The following CHCHD3 variants were observed in gnomAD, a reference collection of about 807,000 sequenced individuals.
CHCHD3 encodes the protein MICOS complex subunit MIC19.
Under a neutral mutation model 38.2 loss-of-function variants are expected in CHCHD3, and 20 were observed. That is an observed-to-expected ratio of 0.52 (90% CI 0.37 to 0.76). CHCHD3 has a LOEUF of 0.76. Among genes scored for constraint, CHCHD3 ranks in the 30% least tolerant of loss-of-function variants. The probability of loss-of-function intolerance (pLI) is 0.00; values close to 1 mark genes in which losing one functional copy is unlikely to be tolerated. For synonymous variants in CHCHD3, 82 were observed against 100.0 expected (o/e 0.82, Z 1.07); for missense variants, 245 against 279.2 (o/e 0.88, Z 0.87).
chr7:132,911,703 T>C (rs1309422317), intron 4 of CHCHD3, among the ~76,000 whole-genome samples: 1 of 152,242 alleles, frequency 6.6e-6, no homozygotes, highest in Non-Finnish European at 1.5e-5. Context: ...TTTAGTGTCT[T>C]TTGTGATGGC....
intron 4 of CHCHD3, among the ~76,000 whole-genome samples, chr7:132,974,354 T>TA (rs751653512): frequency 5.3e-5 from 8 of 152,176 alleles, no homozygotes; most frequent in East Asian, 3.9e-4. Flanking sequence ...TTTAAAAGAT[T>TA]AAAAAATATT....
At chr7:132,920,301 G>A (rs370445391) in intron 4 of CHCHD3, among the ~76,000 whole-genome samples, 2 of 152,180 alleles carry the variant, frequency 1.3e-5, no homozygotes, top group African/African-American at 4.8e-5. Context: ...GGCAGGCAAA[G>A]CCTAAAATAT....
At chr7:132,915,889 T>C (rs1250731316) in intron 4 of CHCHD3, among the ~76,000 whole-genome samples, 1 of 152,056 alleles carries the variant, frequency 6.6e-6, no homozygotes, top group African/African-American at 2.4e-5. Context: ...GGACATGACA[T>C]AGTTGGTGTG....
intron 1 of CHCHD3, among the ~76,000 whole-genome samples, chr7:133,081,173 C>T (rs1312377461): frequency 6.6e-6 from 1 of 152,096 alleles, no homozygotes; most frequent in Non-Finnish European, 1.5e-5. Context: ...AACTGCAAAC[C>T]CATCTCAGCC....
intron 4 of CHCHD3, among the ~76,000 whole-genome samples, chr7:132,901,491 A>AGG (rs1409802438): frequency 6.6e-6 from 1 of 152,216 alleles, no homozygotes; most frequent in Non-Finnish European, 1.5e-5. Context: ...GGAGGGAGGC[A>AGG]GGGGGTCCTC....
At chr7:133,062,491 A>G (rs1284259738) in intron 2 of CHCHD3, among the ~76,000 whole-genome samples, 3 of 152,184 alleles carry the variant, frequency 2.0e-5, no homozygotes, top group Admixed American at 2.0e-4. Context: ...TTCTTAATAT[A>G]GTTTTGGTGA....
rs56259114 is a variant in CHCHD3 at position 132,879,716 on chromosome 7, T to TAAAAAAAAAAAA, written c.453+5934_453+5945dup. On this transcript the variant is annotated intron_variant, in intron 5 of 7. Transcript: ENST00000262570. ...AACTATCAGAACACTTTGTCAAAAG[T>TAAAAAAAAAAAA]AAAAAAAAAAAAAAAAAAAAAAAAA... is the stretch of plus-strand genomic sequence containing the variant. Among the ~76,000 whole-genome samples the TAAAAAAAAAAAA allele has an allele frequency of 1.6e-3, 62 of 38,432 alleles. 2 individuals carry two copies. Among genetic ancestry groups the TAAAAAAAAAAAA allele is most frequent in the Non-Finnish European group, 2.2e-3 (50 of 22,932 alleles). 25.2% of individuals were successfully genotyped at this position (38,432 alleles called of 152,430 possible).
At chr7:132,956,710 C>A (rs931430275) in intron 4 of CHCHD3, among the ~76,000 whole-genome samples, 2 of 152,142 alleles carry the variant, frequency 1.3e-5, no homozygotes, top group Non-Finnish European at 2.9e-5. Flanking sequence ...TTGTAACAGT[C>A]GTCTTGAAGA....
intron 4 of CHCHD3, among the ~76,000 whole-genome samples, chr7:132,947,999 A>T (rs936528958): frequency 6.6e-5 from 10 of 152,136 alleles, no homozygotes; most frequent in Admixed American, 1.3e-4. Flanking sequence ...ATTGGGGGGA[A>T]AAAGTCACAA....
chr7:133,066,791 A>G (rs902575868), intron 2 of CHCHD3, among the ~76,000 whole-genome samples: 1 of 152,026 alleles, frequency 6.6e-6, no homozygotes, highest in African/African-American at 2.4e-5. Flanking sequence ...GAGAGAAAAC[A>G]TTTTCTCTCC....
chr7:132,962,081 T>C (rs1811333461), intron 4 of CHCHD3, among the ~76,000 whole-genome samples: 1 of 152,212 alleles, frequency 6.6e-6, no homozygotes, highest in Non-Finnish European at 1.5e-5. Flanking sequence ...TTCAATTCAG[T>C]GACTGTCTAA....
chr7:132,946,184 G>C (rs1810896140), intron 4 of CHCHD3, among the ~76,000 whole-genome samples: 1 of 151,676 alleles, frequency 6.6e-6, no homozygotes, highest in African/African-American at 2.4e-5. Context: ...GTGTGTGTGT[G>C]TGTGTGTATA....
At chr7:132,947,774 T>C (rs1189964841) in intron 4 of CHCHD3, among the ~76,000 whole-genome samples, 3 of 151,924 alleles carry the variant, frequency 2.0e-5, no homozygotes, top group African/African-American at 7.3e-5. Flanking sequence ...TTCCTGCCAA[T>C]TTTCAAATGT....
chr7:132,842,984 C>A (rs1807979680), intron 5 of CHCHD3, among the ~76,000 whole-genome samples: 1 of 152,142 alleles, frequency 6.6e-6, no homozygotes, highest in South Asian at 2.1e-4. Context: ...ACTGGCGAGT[C>A]CTGCCTGCAG....
In CHCHD3 at chr7:132,860,498, A is replaced by C. The variant is rs529929071; in HGVS notation, c.454-22029T>G. ...CATCTTATATCCAGTCCAGCACATC[A>C]GACAATCCCCATGTTCAGGCCTTAT... On this transcript the variant is annotated intron_variant, in intron 5 of 7. Transcript: ENST00000262570. 7.2e-5 allele frequency among the ~76,000 whole-genome samples: 11 copies of C among 152,322 alleles called. No individual in the cohort carries two copies. In the South Asian group the frequency reaches 2.3e-3, roughly 32 times the overall value.
rs118148076 is a variant in CHCHD3, at chr7:132,969,736, G to C, written c.369+5433C>G. ...CTGTTCTCACCTGGATTAACACAGGGCTTTCTAACTGGTCTCTGGGCTTCC... is the reference window on the plus strand; with the variant it reads ...CTGTTCTCACCTGGATTAACACAGGCCTTTCTAACTGGTCTCTGGGCTTCC... On this transcript the variant is annotated intron_variant, in intron 4 of 7. Coordinates refer to ENST00000262570, the MANE Select transcript of CHCHD3 (RefSeq NM_017812.4). Among the ~76,000 whole-genome samples the C allele has an allele frequency of 8.5e-3, 1,287 of 152,202 alleles. 10 individuals are homozygous for C. The highest frequency in any genetic ancestry group is 0.066 in the South Asian group (316 of 4,818).
chr7:132,957,831 C>T (rs559904091), intron 4 of CHCHD3, among the ~76,000 whole-genome samples: 3 of 152,192 alleles, frequency 2.0e-5, no homozygotes, highest in South Asian at 2.1e-4. Context: ...CCAGTTGGCA[C>T]GTGGTACAGG....
chr7:133,037,762 G>A (rs566913609), intron 2 of CHCHD3, among the ~76,000 whole-genome samples: 10 of 152,264 alleles, frequency 6.6e-5, no homozygotes, highest in East Asian at 1.9e-4. Flanking sequence ...GCAGTGAGCC[G>A]AGAACACGCC....
At chr7:133,056,643 T>C (rs1296631725) in intron 2 of CHCHD3, among the ~76,000 whole-genome samples, 3 of 152,030 alleles carry the variant, frequency 2.0e-5, no homozygotes, top group African/African-American at 7.3e-5. Context: ...CCAAAGAGGG[T>C]AGACAGAAAG....
Sources: allele counts gnomAD v4.1 joint callset (sites outside exome capture counted in the v4.1 genomes callset), GRCh38; gene constraint gnomAD v4.1.1; transcripts MANE v1.5; gene names NCBI Gene and HGNC (gene_info 2026-07-23, HGNC 2026-07-21).